The following SGCZ variants were observed in gnomAD, a reference collection of about 807,000 sequenced individuals.
SGCZ encodes sarcoglycan zeta, also known as zeta-sarcoglycan.
SGCZ carries 40 observed loss-of-function variants against 41.3 expected under a neutral mutation model. The ratio of observed to expected loss-of-function variants is 0.97; its 90% CI spans 0.75 to 1.26. The LOEUF is 1.26. Among genes scored for constraint, SGCZ ranks in the 50% most tolerant of loss-of-function variants. The probability of loss-of-function intolerance (pLI) is 0.00; values close to 1 mark genes in which losing one functional copy is unlikely to be tolerated. For missense variants in SGCZ, 552 were observed against 369.8 expected (o/e 1.49, Z -4.04); for synonymous variants, 206 against 137.5 (o/e 1.50, Z -3.49).
intron 1 of SGCZ, among the ~76,000 whole-genome samples, chr8:14,832,016 A>G (rs556562587): frequency 6.6e-6 from 1 of 152,276 alleles, no homozygotes; most frequent in East Asian, 1.9e-4. Context: ...AGTAATTGGT[A>G]GTTATAATCT....
chr8:14,397,081 T>C lies in SGCZ; in HGVS notation c.235-72877A>G, dbSNP rs540535891. On this transcript the variant is annotated intron_variant, in intron 2 of 7. Coordinates refer to ENST00000382080, the MANE Select transcript of SGCZ (RefSeq NM_139167.4). The stretch of plus-strand genomic sequence containing the variant: ...TAATTTTACCTATTCCTCTCAACGT[T>C]ACGTAAATTTTAATACTGGTACTTA... Among the ~76,000 whole-genome samples the C allele has an allele frequency of 5.3e-5, 8 of 152,258 alleles. No homozygotes were observed. In the South Asian group the frequency reaches 1.4e-3, roughly 28 times the overall value.
intron 1 of SGCZ, among the ~76,000 whole-genome samples, chr8:14,800,146 A>G (rs1332583607): frequency 8.7e-6 from 1 of 114,504 alleles, no homozygotes; most frequent in African/African-American, 3.2e-5. Context: ...GTTAAGTTGT[A>G]TATTTTGCCT....
intron 1 of SGCZ, among the ~76,000 whole-genome samples, chr8:14,991,537 T>G (rs1291572115): frequency 2.0e-5 from 3 of 152,272 alleles, no homozygotes; most frequent in South Asian, 4.1e-4. Context: ...TCTGGCCACG[T>G]GATGCTTTCC....
rs76749669 is a variant in SGCZ at position 14,524,230 on chromosome 8, T to C, written c.234+30502A>G. Among the ~76,000 whole-genome samples, 25 of 151,752 alleles carry C rather than the reference T, an allele frequency of 1.6e-4. No individual in the cohort carries two copies. In the South Asian group the frequency reaches 4.4e-3, roughly 27 times the overall value. The stretch of plus-strand genomic sequence containing the variant: ...ATTTTCTGTTTTAGTTTTTTTTTTT[T>C]CCTCTGGCACCACAAGAGCAAGAGA... On this transcript the variant is annotated intron_variant, in intron 2 of 7. Transcript: ENST00000382080.
At chr8:14,408,795 GT>G (rs1188503464) in intron 2 of SGCZ, among the ~76,000 whole-genome samples, 1 of 151,894 alleles carries the variant, frequency 6.6e-6, no homozygotes, top group Non-Finnish European at 1.5e-5. Context: ...CATAATTTTT[GT>G]TTGTATTCAG....
At chr8:15,199,756 G>C (rs1365071311) in intron 1 of SGCZ, among the ~76,000 whole-genome samples, 3 of 152,122 alleles carry the variant, frequency 2.0e-5, no homozygotes, top group Non-Finnish European at 4.4e-5. Context: ...TACTTCATTA[G>C]TTTCAGAAAA....
Position 14,944,673 on chromosome 8 carries a change from G to C in SGCZ, c.39+292912C>G, listed in dbSNP as rs117666260. On this transcript the variant is annotated intron_variant, in intron 1 of 7. Transcript: ENST00000382080. Reference sequence around the variant, plus strand: ...GTAAATACATTCACTTATATACTATGTACATGGGCTCTTTAACACAGGGTT... The same window carrying C: ...GTAAATACATTCACTTATATACTATCTACATGGGCTCTTTAACACAGGGTT... Among the ~76,000 whole-genome samples the C allele has an allele frequency of 4.2e-3, 641 of 152,266 alleles. 4 individuals are homozygous for C. The highest frequency in any genetic ancestry group is 6.8e-3 in the Middle Eastern group (2 of 294).
At chr8:14,893,681 A>G (rs1585355998) in intron 1 of SGCZ, among the ~76,000 whole-genome samples, 3 of 152,336 alleles carry the variant, frequency 2.0e-5, no homozygotes, top group African/African-American at 2.4e-5. Context: ...AACAGACACT[A>G]TGAACTATGC....
chr8:14,334,777 T>C (rs1051867664), intron 2 of SGCZ, among the ~76,000 whole-genome samples: 5 of 152,116 alleles, frequency 3.3e-5, no homozygotes, highest in South Asian at 2.1e-4. Flanking sequence ...TGTACACCCA[T>C]AGACTGTTTT....
intron 2 of SGCZ, among the ~76,000 whole-genome samples, chr8:14,442,866 A>G (rs1051248613): frequency 2.0e-5 from 3 of 152,220 alleles, no homozygotes; most frequent in African/African-American, 4.8e-5. Flanking sequence ...GTCTAATCTT[A>G]ATGAAGCCTG....
intron 1 of SGCZ, among the ~76,000 whole-genome samples, chr8:14,630,149 G>C (rs932184979): frequency 6.6e-6 from 1 of 152,000 alleles, no homozygotes; most frequent in Middle Eastern, 3.2e-3. Flanking sequence ...AAAGCAAAAT[G>C]AATCTTTGCA....
chr8:15,161,974 T>C (rs1235183490), intron 1 of SGCZ, among the ~76,000 whole-genome samples: 2 of 152,162 alleles, frequency 1.3e-5, no homozygotes, highest in Non-Finnish European at 2.9e-5. Flanking sequence ...GAGGTTGCAG[T>C]GACCCAAGAT....
chr8:14,859,722 A>C (rs1028263605), intron 1 of SGCZ, among the ~76,000 whole-genome samples: 2 of 152,164 alleles, frequency 1.3e-5, no homozygotes, highest in Admixed American at 6.6e-5. Flanking sequence ...TATTGCAATG[A>C]TTTTATAAAT....
At chr8:14,758,961 T>A (rs1381045220) in intron 1 of SGCZ, among the ~76,000 whole-genome samples, 1 of 146,806 alleles carries the variant, frequency 6.8e-6, no homozygotes, top group Admixed American at 6.9e-5. Flanking sequence ...TGAGCCAAGA[T>A]CAGGCCATTG....
intron 3 of SGCZ, among the ~76,000 whole-genome samples, chr8:14,312,556 C>T (rs921597164): frequency 2.0e-5 from 3 of 152,036 alleles, no homozygotes; most frequent in Admixed American, 6.6e-5. Flanking sequence ...GAACTTGAAG[C>T]TCCAGTGTGC....
Position 14,680,279 on chromosome 8 carries a change from G to A in SGCZ, c.40-125353C>T, listed in dbSNP as rs547783408. On this transcript the variant is annotated intron_variant, in intron 1 of 7. Coordinates refer to ENST00000382080, the MANE Select transcript of SGCZ (RefSeq NM_139167.4). Reference sequence around the variant, plus strand: ...TGTATGATGCTATAATGGTGTATACGTGTCATTATAAACTTAACAAAACCC... The same window carrying A: ...TGTATGATGCTATAATGGTGTATACATGTCATTATAAACTTAACAAAACCC... 1.1e-3 allele frequency among the ~76,000 whole-genome samples: 172 copies of A among 152,186 alleles called. 2 individuals carry two copies. Among genetic ancestry groups the A allele is most frequent in the Middle Eastern group, 3.4e-3 (1 of 294 alleles).
chr8:14,796,397 G>T (rs547085600), intron 1 of SGCZ, among the ~76,000 whole-genome samples: 1 of 151,828 alleles, frequency 6.6e-6, no homozygotes, highest in South Asian at 2.1e-4. Context: ...GGTATTACAG[G>T]TGTGAGCCAG....
At chr8:14,702,454 C>A (rs915685051) in intron 1 of SGCZ, among the ~76,000 whole-genome samples, 1 of 151,860 alleles carries the variant, frequency 6.6e-6, no homozygotes, top group Non-Finnish European at 1.5e-5. Context: ...GGAAACACAT[C>A]CCTCCAGCCA....
chr8:14,790,168 A>G (rs1445745330), intron 1 of SGCZ, among the ~76,000 whole-genome samples: 3 of 152,202 alleles, frequency 2.0e-5, no homozygotes, highest in Non-Finnish European at 4.4e-5. Context: ...CGACTTTCTG[A>G]GGGCCAGTGC....
Sources: gnomAD v4.1 joint callset for allele counts (sites outside exome capture counted in the v4.1 genomes callset) on GRCh38, gnomAD v4.1.1 for gene constraint, MANE v1.5 for transcripts, NCBI Gene and HGNC (gene_info 2026-07-23, HGNC 2026-07-21) for gene names.